The following RTN1 variants were observed in gnomAD, a reference collection of about 807,000 sequenced individuals.
RTN1 encodes the protein reticulon 1, also known as reticulon-1.
Under a neutral mutation model 65.5 loss-of-function variants are expected in RTN1, and 25 were observed. The ratio of observed to expected loss-of-function variants is 0.38; its 90% confidence interval spans 0.28 to 0.53. The LOEUF (loss-of-function observed/expected upper bound fraction) is 0.53, where lower values mean the gene tolerates loss of function less well. Among genes scored for constraint, RTN1 ranks in the 20% least tolerant of loss-of-function variants. RTN1 has a pLI of 0.79. For missense variants in RTN1, 983 were observed against 1,025.4 expected (o/e 0.96, Z 0.57); for synonymous variants, 471 against 447.6 (o/e 1.05, Z -0.66).
At chr14:59,746,626 G>T in intron 1 of RTN1, 145 bp from the exon 2 acceptor site, 1 of 635,560 alleles carries the variant, frequency 1.6e-6, no homozygotes. Context: ...CTCCCTCAGA[G>T]CACCAGCATG....
chr14:59,811,436 A>G (rs1463197261), intron 1 of RTN1, among the ~76,000 whole-genome samples: 1 of 152,220 alleles, frequency 6.6e-6, no homozygotes, highest in Non-Finnish European at 1.5e-5. Context: ...TGTTAATTGA[A>G]ATATAGATCT....
chr14:59,702,369 A>T (rs1186391296), intron 3 of RTN1, among the ~76,000 whole-genome samples: 1 of 152,164 alleles, frequency 6.6e-6, no homozygotes. Flanking sequence ...TACTCATCTT[A>T]TGATTGCTTA....
chr14:59,622,029 T>C (rs1266782967), intron 3 of RTN1, among the ~76,000 whole-genome samples: 1 of 152,176 alleles, frequency 6.6e-6, no homozygotes, highest in Non-Finnish European at 1.5e-5. Flanking sequence ...GACAAATTAA[T>C]GCTACTTTTT....
chr14:59,634,882 T>G (rs1409213047), intron 3 of RTN1, among the ~76,000 whole-genome samples: 2 of 152,096 alleles, frequency 1.3e-5, no homozygotes, highest in African/African-American at 2.4e-5. Context: ...AGAAATGGAA[T>G]TAATGGGAAA....
intron 3 of RTN1, among the ~76,000 whole-genome samples, chr14:59,684,399 C>T (rs1390097125): frequency 6.6e-6 from 1 of 152,018 alleles, no homozygotes; most frequent in Non-Finnish European, 1.5e-5. Context: ...TCTACTTTAT[C>T]CACAGGATGG....
intron 3 of RTN1, among the ~76,000 whole-genome samples, chr14:59,695,002 G>A (rs531598054): frequency 2.0e-4 from 31 of 152,300 alleles, no homozygotes; most frequent in South Asian, 1.9e-3. Context: ...GGGCTTCTTA[G>A]TATTCTTTTC....
At chr14:59,638,471 A>G (rs896169782) in intron 3 of RTN1, among the ~76,000 whole-genome samples, 2 of 152,164 alleles carry the variant, frequency 1.3e-5, no homozygotes, top group Admixed American at 1.3e-4. Flanking sequence ...ATAATTCTTA[A>G]GGGCCCTAGA....
Position 59,870,559 on chromosome 14 carries a change from G to T in RTN1, c.72C>A (p.His24Gln). The change falls in exon 1 of 9, where the codon CAC (histidine) becomes CAA (glutamine). Residue 24 changes from histidine to glutamine, a missense_variant. By Grantham distance (24) the His-to-Gln change is conservative. Transcript: ENST00000267484. The surrounding 1 kb of genome is among the most constrained non-coding windows in gnomAD (Gnocchi z 5.1). Reference protein sequence around the residue: ...LAGPGSQWLRHRGEGENEAVT... With the variant: ...LAGPGSQWLRQRGEGENEAVT... Reference sequence around the variant, plus strand: ...CCGCTTCGTTCTCCCCCTCCCCCCGGTGCCTGAGCCACTGGGACCCGGGGC... The same window carrying T: ...CCGCTTCGTTCTCCCCCTCCCCCCGTTGCCTGAGCCACTGGGACCCGGGGC... 7 of 1,457,458 alleles carry T rather than the reference G, an allele frequency of 4.8e-6. No individual in the cohort carries two copies. The highest frequency in any genetic ancestry group is 6.3e-6 in the Non-Finnish European group (7 of 1,110,298). 90.3% of individuals were successfully genotyped at this position (1,457,458 alleles called of 1,614,324 possible). A position where few individuals can be genotyped will look rare whatever the true frequency, so the allele number is the denominator to read the frequency against.
intron 1 of RTN1, among the ~76,000 whole-genome samples, chr14:59,817,023 G>A (rs1432356373): frequency 6.6e-6 from 1 of 151,994 alleles, no homozygotes; most frequent in Non-Finnish European, 1.5e-5. Flanking sequence ...GACAAATAGT[G>A]CCTGGTGAAC....
intron 1 of RTN1, among the ~76,000 whole-genome samples, chr14:59,767,504 C>A (rs1885871517): frequency 6.6e-6 from 1 of 152,192 alleles, no homozygotes; most frequent in African/African-American, 2.4e-5. Flanking sequence ...TTGAGCCATT[C>A]TATTTTTGCA....
chr14:59,835,947 A>G (rs1215974549), intron 1 of RTN1, among the ~76,000 whole-genome samples: 1 of 152,220 alleles, frequency 6.6e-6, no homozygotes, highest in Non-Finnish European at 1.5e-5. Context: ...TAAGGTGTCG[A>G]CAGGGTTGCA....
chr14:59,795,521 T>C (rs1032171304), intron 1 of RTN1, among the ~76,000 whole-genome samples: 1 of 152,060 alleles, frequency 6.6e-6, no homozygotes, highest in African/African-American at 2.4e-5. Flanking sequence ...GGCAAAATAG[T>C]GAGATCCCAT....
chr14:59,697,559 T>C (rs540285465), intron 3 of RTN1, among the ~76,000 whole-genome samples: 6 of 152,186 alleles, frequency 3.9e-5, no homozygotes, highest in Non-Finnish European at 8.8e-5. Flanking sequence ...GTAAAAGCAT[T>C]GAATGATAGA....
intron 1 of RTN1, among the ~76,000 whole-genome samples, chr14:59,859,048 C>A (rs1258767679): frequency 6.6e-6 from 1 of 152,164 alleles, no homozygotes; most frequent in Non-Finnish European, 1.5e-5. Flanking sequence ...TAAAAGGCCA[C>A]AAGTCTGTGA....
chr14:59,800,558 G>A (rs56966760), intron 1 of RTN1, among the ~76,000 whole-genome samples: 1 of 151,968 alleles, frequency 6.6e-6, no homozygotes, highest in Non-Finnish European at 1.5e-5. Context: ...CCACCACCAC[G>A]CCTGGCTAAC....
At chr14:59,704,345 C>T (rs549518950) in intron 3 of RTN1, among the ~76,000 whole-genome samples, 126 of 152,260 alleles carry the variant, frequency 8.3e-4, no homozygotes, top group Middle Eastern at 3.4e-3. Flanking sequence ...GCTCAGAAAT[C>T]CCATTCAATA....
intron 1 of RTN1, among the ~76,000 whole-genome samples, chr14:59,748,210 G>GA (rs762359051): frequency 7.9e-6 from 1 of 125,988 alleles, no homozygotes; most frequent in African/African-American, 3.0e-5. Flanking sequence ...AGTCTGTGAG[G>GA]TTTTTTTTTT....
rs989483477 is a variant in RTN1 at position 59,678,390 on chromosome 14, T to A, written c.1765+48529A>T. On this transcript the variant is annotated intron_variant, in intron 3 of 8. Coordinates refer to ENST00000267484, the MANE Select transcript of RTN1 (RefSeq NM_021136.3). ...CATTTTTCCTACAGGCTGGAAGTGG[T>A]CTCTTTTTAATATATGTTCTGGATT... Among the ~76,000 whole-genome samples the A allele has an allele frequency of 5.9e-5, 9 of 152,232 alleles. No individual in the cohort carries two copies. The South Asian group carries it at 6.2e-4, about 11-fold the overall frequency.
chr14:59,644,203 A>G (rs1882841594), intron 3 of RTN1, among the ~76,000 whole-genome samples: 1 of 152,218 alleles, frequency 6.6e-6, no homozygotes, highest in Non-Finnish European at 1.5e-5. Context: ...TAAATACAGC[A>G]CCTTCAACTG....
Sources: gnomAD v4.1 joint callset for allele counts (sites outside exome capture counted in the v4.1 genomes callset) on GRCh38, gnomAD v4.1.1 for gene constraint, Gnocchi (gnomAD v3.1) non-coding constraint, MANE v1.5 for transcripts, NCBI Gene and HGNC (gene_info 2026-07-23, HGNC 2026-07-21) for gene names.